The following ENTREP2 variants were observed in gnomAD, a reference collection of about 807,000 sequenced individuals.
ENTREP2 encodes the protein endosomal transmembrane epsin interactor 2.
At chr15:29,496,717 C>T in the ENTREP2 span, among the ~76,000 whole-genome samples, 1 of 152,154 alleles carries the variant, frequency 6.6e-6, no homozygotes, top group African/African-American at 2.4e-5. Flanking sequence ...TGTTGTACCA[C>T]ACTTATTGAT....
chr15:29,423,476 C>A, the ENTREP2 span, among the ~76,000 whole-genome samples: 1 of 152,006 alleles, frequency 6.6e-6, no homozygotes, highest in East Asian at 1.9e-4. Context: ...TGTATTCATA[C>A]CTAGATTTTT....
At chr15:29,344,931 GACACAC>G in the ENTREP2 span, among the ~76,000 whole-genome samples, 3,885 of 142,542 alleles carry the variant, frequency 0.027, 119 homozygotes, top group African/African-American at 0.067. Flanking sequence ...CACGCGCGCA[GACACAC>G]ACACACACAC....
chr15:29,247,661 C>T, the ENTREP2 span, among the ~76,000 whole-genome samples: 3 of 152,140 alleles, frequency 2.0e-5, no homozygotes, highest in Admixed American at 6.5e-5. Context: ...GTTGTTTCTT[C>T]ACCACCCAGC....
the ENTREP2 span, among the ~76,000 whole-genome samples, chr15:29,240,543 C>T: frequency 6.6e-6 from 1 of 152,058 alleles, no homozygotes. Context: ...TTCTTTGGCC[C>T]TCTCTTGCCC....
At chr15:29,373,459 T>C in the ENTREP2 span, 3 of 152,146 alleles carry the variant, frequency 2.0e-5, no homozygotes, top group African/African-American at 2.4e-5. Context: ...GGGGTCCTTG[T>C]AGGATAAATG....
At chr15:29,424,769 G>T in the ENTREP2 span, among the ~76,000 whole-genome samples, 4 of 152,106 alleles carry the variant, frequency 2.6e-5, no homozygotes, top group African/African-American at 7.2e-5. Flanking sequence ...TTTACAACTG[G>T]AGTCTTTCTG....
At chr15:29,386,264 C>T in the ENTREP2 span, among the ~76,000 whole-genome samples, 1 of 152,210 alleles carries the variant, frequency 6.6e-6, no homozygotes, top group Non-Finnish European at 1.5e-5. Flanking sequence ...AAAGAGCACT[C>T]TGTAACACAC....
the ENTREP2 span, among the ~76,000 whole-genome samples, chr15:29,316,219 G>A: frequency 3.4e-4 from 52 of 152,122 alleles, no homozygotes; most frequent in African/African-American, 5.3e-4. Flanking sequence ...CACAGAGAGC[G>A]GTTTAAACTG....
chr15:29,407,798 T>C, the ENTREP2 span, among the ~76,000 whole-genome samples: 2 of 152,228 alleles, frequency 1.3e-5, no homozygotes, highest in East Asian at 3.9e-4. Context: ...CCCGAGTAGC[T>C]GGGACTACAG....
the ENTREP2 span, among the ~76,000 whole-genome samples, chr15:29,673,859 C>G: frequency 3.9e-5 from 6 of 152,018 alleles, no homozygotes; most frequent in South Asian, 2.1e-4. Context: ...ATCTCTTTCA[C>G]TGTCATAGTT....
At chr15:29,336,561 T>TC in the ENTREP2 span, among the ~76,000 whole-genome samples, 93 of 152,268 alleles carry the variant, frequency 6.1e-4, no homozygotes, top group Admixed American at 1.2e-3. Context: ...TCCTCCTGCC[T>TC]CAGCCTCCCA....
the ENTREP2 span, among the ~76,000 whole-genome samples, chr15:29,478,641 A>G: frequency 1.8e-4 from 28 of 152,074 alleles, no homozygotes; most frequent in African/African-American, 6.7e-4. Context: ...GCAGTGGCTC[A>G]CACCTGTAAT....
the ENTREP2 span, among the ~76,000 whole-genome samples, chr15:29,278,325 G>T: frequency 6.6e-6 from 1 of 152,236 alleles, no homozygotes; most frequent in African/African-American, 2.4e-5. Flanking sequence ...GGAAGTCCTG[G>T]GAAAAGCAAG....
chr15:29,650,994 C>A, the ENTREP2 span, among the ~76,000 whole-genome samples: 1 of 152,120 alleles, frequency 6.6e-6, no homozygotes, highest in Admixed American at 6.5e-5. Context: ...CCAGCCTGGG[C>A]AACAGATAGA....
At chr15:29,584,954 C>T in the ENTREP2 span, among the ~76,000 whole-genome samples, 1 of 151,408 alleles carries the variant, frequency 6.6e-6, no homozygotes, top group Non-Finnish European at 1.5e-5. Context: ...AATTATACTT[C>T]AATAAAGCTG....
chr15:29,159,322 A>T, the ENTREP2 span, among the ~76,000 whole-genome samples: 1 of 152,142 alleles, frequency 6.6e-6, no homozygotes, highest in Non-Finnish European at 1.5e-5. Flanking sequence ...CCAGGAGTGA[A>T]GCTGCAGACC....
chr15:29,317,438 T>C, the ENTREP2 span, among the ~76,000 whole-genome samples: 2 of 152,162 alleles, frequency 1.3e-5, no homozygotes, highest in African/African-American at 4.8e-5. Context: ...AATGAAGAAA[T>C]ATTTGAATCA....
At chr15:29,341,773 G>A in the ENTREP2 span, among the ~76,000 whole-genome samples, 1 of 152,276 alleles carries the variant, frequency 6.6e-6, no homozygotes, top group South Asian at 2.1e-4. Flanking sequence ...AGAACCGGGA[G>A]AAGCACCTTA....
chr15:29,189,736 C>T, the ENTREP2 span, among the ~76,000 whole-genome samples: 1 of 151,956 alleles, frequency 6.6e-6, no homozygotes, highest in Non-Finnish European at 1.5e-5. Flanking sequence ...ATTTTTGTAA[C>T]TTAAAAAAAA....
Sources: allele counts gnomAD v4.1 joint callset (sites outside exome capture counted in the v4.1 genomes callset), GRCh38; gene constraint gnomAD v4.1.1; transcripts MANE v1.5; gene names NCBI Gene and HGNC (gene_info 2026-07-23, HGNC 2026-07-21).